KDM4A: variants seen among roughly 807,000 people sequenced by gnomAD.
KDM4A encodes lysine-specific demethylase 4A.
KDM4A carries 23 observed loss-of-function variants against 127.1 expected under a neutral mutation model. That is an observed-to-expected ratio of 0.18 (90% CI 0.13 to 0.26). The LOEUF is 0.26. KDM4A is among the 10% of genes least tolerant of loss of function. The pLI is 1.00. For synonymous variants in KDM4A, 443 were observed against 466.5 expected (o/e 0.95, Z 0.65); for missense variants, 890 against 1,329.1 (o/e 0.67, Z 5.14).
Position 43,667,986 on chromosome 1 carries a change from T to C in KDM4A, c.1130T>C (p.Val377Ala), listed in dbSNP as rs1660536206. The change falls in exon 9 of 22, where the codon GTG (valine) becomes GCG (alanine). Residue 377 changes from valine (V) to alanine (A), a missense_variant. Val to Ala is a moderately conservative substitution (Grantham distance 64). This residue lies in a region of KDM4A where 389 missense variants were observed against 485.9 expected (regional missense o/e 0.80). Coordinates refer to ENST00000372396, the MANE Select transcript of KDM4A (RefSeq NM_014663.3). ...EECPEEDMEG[V>A]EDGEEGDLKT... ...TGCCCAGAGGAGGACATGGAAGGGG[T>C]GGAGGATGGAGAGGAAGGAGACCTG... is the stretch of plus-strand genomic sequence containing the variant. 1 of 1,613,356 alleles carries C rather than the reference T, an allele frequency of 6.2e-7. No individual in the cohort carries two copies. Among genetic ancestry groups the C allele is most frequent in the Non-Finnish European group, 8.5e-7 (1 of 1,179,892 alleles).
chr1:43,680,028 C>A (rs573527631), intron 11 of KDM4A, among the ~76,000 whole-genome samples: 1 of 152,254 alleles, frequency 6.6e-6, no homozygotes, highest in Non-Finnish European at 1.5e-5. Context: ...GTTGGTCGAA[C>A]CCTGACCTTT....
At chr1:43,703,514 A>G in intron 19 of KDM4A, 103 bp from the exon 20 acceptor site, 4 of 1,459,278 alleles carry the variant, frequency 2.7e-6, no homozygotes, top group Non-Finnish European at 2.8e-6. Flanking sequence ...TTGCTCTCTA[A>G]AACAGTTACT....
intron 11 of KDM4A, among the ~76,000 whole-genome samples, chr1:43,672,490 TG>T (rs1373778986): frequency 6.6e-5 from 10 of 150,914 alleles, no homozygotes; most frequent in Non-Finnish European, 8.9e-5. Context: ...GCTGGCCTTT[TG>T]TTTTTTTTTC....
At chr1:43,652,401 G>A (rs1660134579) in intron 1 of KDM4A, among the ~76,000 whole-genome samples, 1 of 151,578 alleles carries the variant, frequency 6.6e-6, no homozygotes, top group African/African-American at 2.4e-5. Context: ...CAGTAACAAT[G>A]TCTCTGTTGA....
chr1:43,694,125 T>A lies in KDM4A; in HGVS notation c.2484+23T>A. The stretch of plus-strand genomic sequence containing the variant: ...CTGGTAAGGGCTTGTAGACTCTACA[T>A]AATTTCCCGACTTACAAGTTTCTGG... On this transcript the variant is annotated intron_variant, in intron 17 of 21. Transcript: ENST00000372396. The surrounding 1 kb of genome is among the most constrained non-coding windows in gnomAD (Gnocchi z 5.2). 2 of 1,578,738 alleles carry A rather than the reference T, an allele frequency of 1.3e-6. No homozygotes were observed. Among genetic ancestry groups the A allele is most frequent in the Non-Finnish European group, 1.7e-6 (2 of 1,149,066 alleles).
rs189162430 is a variant in KDM4A, at chr1:43,700,985, C to T, written c.2842-2632C>T. 2.9e-3 allele frequency among the ~76,000 whole-genome samples: 432 copies of T among 149,524 alleles called. 2 individuals are homozygous for T. The highest frequency in any genetic ancestry group is 9.7e-3 in the African/African-American group (389 of 40,300). On this transcript the variant is annotated intron_variant, in intron 19 of 21. Coordinates refer to ENST00000372396, the MANE Select transcript of KDM4A (RefSeq NM_014663.3). ...GTCGCCAGGCTGGAGTGCAGTGGTGCGTTCTTGGCTCACTGCAACCTCCAC... is the reference window on the plus strand; with the variant it reads ...GTCGCCAGGCTGGAGTGCAGTGGTGTGTTCTTGGCTCACTGCAACCTCCAC...
rs558667821 is a variant in KDM4A, at chr1:43,668,069, G to A, written c.1163+50G>A. ...GGCTGCGTGAGGGAGGGATGTCTGGGTAGGTCCTGTAATCTGTGGAGAGGC... is the reference window on the plus strand; with the variant it reads ...GGCTGCGTGAGGGAGGGATGTCTGGATAGGTCCTGTAATCTGTGGAGAGGC... On this transcript the variant is annotated intron_variant, in intron 9 of 21. Transcript: ENST00000372396. 1.8e-5 allele frequency: 29 copies of A among 1,607,280 alleles called. 1 individual carries two copies. The East Asian group carries it at 3.1e-4, about 17-fold the overall frequency.
intron 19 of KDM4A, among the ~76,000 whole-genome samples, chr1:43,698,661 A>G (rs1661303443): frequency 2.0e-5 from 3 of 152,218 alleles, no homozygotes; most frequent in Non-Finnish European, 4.4e-5. Flanking sequence ...CCTTTAACAA[A>G]TCAGGTATTG....
intron 5 of KDM4A, among the ~76,000 whole-genome samples, chr1:43,664,153 T>A (rs1336051647): frequency 6.6e-6 from 1 of 152,106 alleles, no homozygotes; most frequent in African/African-American, 2.4e-5. Context: ...AGGTGACAAG[T>A]GAGACCTAAA....
intron 12 of KDM4A, among the ~76,000 whole-genome samples, chr1:43,685,519 A>G (rs1030846290): frequency 2.6e-5 from 4 of 151,750 alleles, no homozygotes; most frequent in Admixed American, 2.6e-4. Flanking sequence ...CTGTAATCTC[A>G]GCACTTTGGG....
In KDM4A at chr1:43,704,403, C is replaced by T; in HGVS notation, c.*33C>T. On this transcript the variant is annotated 3_prime_UTR_variant, in exon 22 of 22. Transcript: ENST00000372396. Reference sequence around the variant, plus strand: ...CAGGGTCCAAGGGATTCTCAGCCATCCAGGCAAGAGCACTCTGGGTTCCAC... The same window carrying T: ...CAGGGTCCAAGGGATTCTCAGCCATTCAGGCAAGAGCACTCTGGGTTCCAC... The T allele has an allele frequency of 6.2e-7, 1 of 1,602,028 alleles. No homozygotes were observed. Among genetic ancestry groups the T allele is most frequent in the Non-Finnish European group, 8.5e-7 (1 of 1,174,592 alleles).
At chr1:43,673,029 T>G (rs1271469269) in intron 11 of KDM4A, among the ~76,000 whole-genome samples, 2 of 152,158 alleles carry the variant, frequency 1.3e-5, no homozygotes, top group Non-Finnish European at 2.9e-5. Context: ...CCCAAAGCTA[T>G]AAACACGAAC....
chr1:43,656,905 T>C (rs1660256001), intron 3 of KDM4A, among the ~76,000 whole-genome samples: 1 of 151,726 alleles, frequency 6.6e-6, no homozygotes, highest in Non-Finnish European at 1.5e-5. Flanking sequence ...AATTTTTGTA[T>C]TTTTAGTAGA....
At chr1:43,700,812 T>C (rs1238652019) in intron 19 of KDM4A, among the ~76,000 whole-genome samples, 5 of 151,786 alleles carry the variant, frequency 3.3e-5, no homozygotes, top group Non-Finnish European at 7.3e-5. Flanking sequence ...CTCTTCTGAA[T>C]GGATCTTTCA....
rs1182814830 is a variant in KDM4A at position 43,660,147 on chromosome 1, G to C, written c.315-151G>C. ...CTCATGGAAGGGACGTTGAGGGACT[G>C]ACTACGTATTAGAGCCTTGAAGGCC... is the stretch of plus-strand genomic sequence containing the variant. On this transcript the variant is annotated intron_variant, in intron 3 of 21. Transcript: ENST00000372396. 8 of 782,824 alleles carry C rather than the reference G, an allele frequency of 1.0e-5. No homozygotes were observed. In the East Asian group the frequency reaches 2.0e-4, roughly 19 times the overall value. The allele number at this position is 782,824 out of a possible 1,614,324, so 48.5% of individuals were successfully genotyped here. A position where few individuals can be genotyped will look rare whatever the true frequency, so the allele number is the denominator to read the frequency against.
intron 12 of KDM4A, among the ~76,000 whole-genome samples, chr1:43,684,524 T>TA (rs1660927288): frequency 6.6e-6 from 1 of 151,744 alleles, no homozygotes; most frequent in Non-Finnish European, 1.5e-5. Context: ...GAAGAGGTGT[T>TA]ACTCTGGGGC....
intron 4 of KDM4A, 37 bp downstream of exon 4, chr1:43,660,449 G>T (rs1385048933): frequency 4.5e-6 from 7 of 1,554,318 alleles, no homozygotes; most frequent in Non-Finnish European, 6.1e-6. Flanking sequence ...CAGTGTTTTT[G>T]TAATTTTGTA....
chr1:43,662,806 C>T lies in KDM4A; in HGVS notation c.430-88C>T, dbSNP rs776902313. 22 of 1,121,122 alleles carry T rather than the reference C, an allele frequency of 2.0e-5. No homozygotes were observed. In the Admixed American group the frequency reaches 2.1e-4, roughly 11 times the overall value. The allele number at this position is 1,121,122 out of a possible 1,614,324, so 69.4% of individuals were successfully genotyped here. On this transcript the variant is annotated intron_variant, in intron 4 of 21. Coordinates refer to ENST00000372396, the MANE Select transcript of KDM4A (RefSeq NM_014663.3). The stretch of plus-strand genomic sequence containing the variant: ...TCCCAATGTTTGTCAGAGATGACAG[C>T]TTACTTGTGACCTACTCTGATTTGT...
chr1:43,667,303 C>T (rs763259248), intron 8 of KDM4A, among the ~76,000 whole-genome samples: 2 of 152,138 alleles, frequency 1.3e-5, no homozygotes, highest in Non-Finnish European at 2.9e-5. Context: ...TTCTTAAGTC[C>T]ATTAGGCATT....
Sources: gnomAD v4.1 joint callset for allele counts (sites outside exome capture counted in the v4.1 genomes callset) on GRCh38, gnomAD v4.1.1 for gene constraint, gnomAD v4.1.1 regional missense constraint, Gnocchi (gnomAD v3.1) non-coding constraint, MANE v1.5 for transcripts, NCBI Gene and HGNC (gene_info 2026-07-23, HGNC 2026-07-21) for gene names.